The following SLC1A2 variants were observed in gnomAD, a reference collection of about 807,000 sequenced individuals.
SLC1A2 encodes the protein excitatory amino acid transporter 2.
A neutral mutation model predicts 48.8 loss-of-function variants in SLC1A2; 15 were observed. The observed-to-expected ratio is 0.31, with a 90% CI of 0.21 to 0.47. The LOEUF (loss-of-function observed/expected upper bound fraction) is 0.47, where lower values mean the gene tolerates loss of function less well. Among genes scored for constraint, SLC1A2 ranks in the 20% least tolerant of loss-of-function variants. The pLI is 0.99. For synonymous variants in SLC1A2, 279 were observed against 272.6 expected (o/e 1.02, Z -0.23); for missense variants, 502 against 730.5 (o/e 0.69, Z 3.61).
chr11:35,304,799 TA>T (rs1221930618), intron 5 of SLC1A2, among the ~76,000 whole-genome samples: 2 of 152,086 alleles, frequency 1.3e-5, no homozygotes, highest in Non-Finnish European at 2.9e-5. Context: ...GAATTTCAGG[TA>T]AAAAATGAAT....
chr11:35,368,705 C>T (rs577754500), intron 1 of SLC1A2, among the ~76,000 whole-genome samples: 4 of 152,310 alleles, frequency 2.6e-5, no homozygotes, highest in African/African-American at 9.6e-5. Flanking sequence ...GCTTGCTTAG[C>T]TGCCTTACAC....
rs1950299300 is a variant in SLC1A2, at chr11:35,255,313, C to T, written c.*5581G>A. ...TTGTAGACCATGCATTGTATCCCATCCACCCTACAAACTAATCAGGCCTTG... is the reference window on the plus strand; with the variant it reads ...TTGTAGACCATGCATTGTATCCCATTCACCCTACAAACTAATCAGGCCTTG... On this transcript the variant is annotated 3_prime_UTR_variant, in exon 11 of 11. Transcript: ENST00000278379. 6.5e-6 allele frequency: 1 copy of T among 153,616 alleles called. No homozygotes were observed. The highest frequency in any genetic ancestry group is 6.4e-5 in the Admixed American group (1 of 15,554). 9.5% of individuals were successfully genotyped at this position (153,616 alleles called of 1,614,324 possible). A position where few individuals can be genotyped will look rare whatever the true frequency, so the allele number is the denominator to read the frequency against.
In SLC1A2 at chr11:35,254,798, A is replaced by T. The variant is rs771125319; in HGVS notation, c.*6096T>A. 6.6e-6 allele frequency: 3 copies of T among 456,080 alleles called. No homozygotes were observed. The highest frequency in any genetic ancestry group is 3.2e-4 in the Middle Eastern group (1 of 3,096). 28.3% of individuals were successfully genotyped at this position (456,080 alleles called of 1,614,324 possible). ...TCCAATAGCTGGTTTTATTCTCAGC[A>T]CAAAAGGGCCCTGTGTAAAAACCAG... On this transcript the variant is annotated 3_prime_UTR_variant, in exon 11 of 11. Coordinates refer to ENST00000278379, the MANE Select transcript of SLC1A2 (RefSeq NM_004171.4).
chr11:35,370,882 AG>A, intron 1 of SLC1A2: 7 of 886,478 alleles, frequency 7.9e-6, no homozygotes, highest in Non-Finnish European at 9.5e-6. Context: ...TGAGTGGCCC[AG>A]GAAAAGAAAA....
At chr11:35,278,273 GTTTT>G (rs35889672) in intron 9 of SLC1A2, among the ~76,000 whole-genome samples, 1 of 88,662 alleles carries the variant, frequency 1.1e-5, no homozygotes, top group Non-Finnish European at 2.3e-5. Context: ...GTTTTTTTTT[GTTTT>G]TTTTTTTTTT....
intron 1 of SLC1A2, among the ~76,000 whole-genome samples, chr11:35,417,569 G>T (rs1031259016): frequency 6.6e-6 from 1 of 152,186 alleles, no homozygotes; most frequent in African/African-American, 2.4e-5. Flanking sequence ...TCTATTTCTA[G>T]AGATCTGTTT....
chr11:35,277,334 G>T (rs963454564), intron 9 of SLC1A2, among the ~76,000 whole-genome samples: 4 of 152,144 alleles, frequency 2.6e-5, no homozygotes, highest in Non-Finnish European at 1.5e-5. Context: ...TCCTGACCTG[G>T]CCATACAAGC....
At chr11:35,265,485 C>A in intron 10 of SLC1A2, 42 bp downstream of exon 10, 1 of 970,164 alleles carries the variant, frequency 1.0e-6, no homozygotes, top group South Asian at 1.4e-5. Flanking sequence ...CAAGCATGCA[C>A]TACTATATAC....
At chr11:35,366,123 A>G (rs1853840943) in intron 1 of SLC1A2, among the ~76,000 whole-genome samples, 1 of 152,208 alleles carries the variant, frequency 6.6e-6, no homozygotes, top group African/African-American at 2.4e-5. Flanking sequence ...AGAGTTTATT[A>G]TACTTATGAA....
rs1273534842 is a variant in SLC1A2 at position 35,397,216 on chromosome 11, G to A, written c.17+21734C>T. 2.1e-3 allele frequency among the ~76,000 whole-genome samples: 312 copies of A among 147,618 alleles called. 1 individual carries two copies. Among genetic ancestry groups the A allele is most frequent in the African/African-American group, 7.1e-3 (276 of 39,062 alleles). On this transcript the variant is annotated intron_variant, in intron 1 of 10. Coordinates refer to ENST00000278379, the MANE Select transcript of SLC1A2 (RefSeq NM_004171.4). ...ATGGAACCAAAAAACAGCCCACATC[G>A]CCAAGTCAATCCTAAGCCAAAAGAA...
intron 9 of SLC1A2, among the ~76,000 whole-genome samples, chr11:35,270,803 A>G (rs931502061): frequency 4.6e-5 from 7 of 152,254 alleles, no homozygotes; most frequent in Admixed American, 3.3e-4. Flanking sequence ...AAGAGGTAGG[A>G]ACACTTAGAT....
intron 1 of SLC1A2, among the ~76,000 whole-genome samples, chr11:35,387,488 C>T (rs988313563): frequency 1.3e-5 from 2 of 152,126 alleles, no homozygotes; most frequent in African/African-American, 2.4e-5. Flanking sequence ...TGGAGAGTAA[C>T]GGGTGTGTTT....
intron 5 of SLC1A2, 103 bp from the exon 6 acceptor site, chr11:35,301,748 C>T: frequency 9.8e-7 from 1 of 1,020,406 alleles, no homozygotes; most frequent in Non-Finnish European, 1.5e-6. Context: ...GTTCTCACTG[C>T]TGGTTACCCT....
intron 6 of SLC1A2, chr11:35,297,691 A>T (rs1304293731): frequency 1.3e-5 from 2 of 152,218 alleles, no homozygotes; most frequent in African/African-American, 2.4e-5. Context: ...GAGGATACGA[A>T]AATCATACAA....
intron 7 of SLC1A2, among the ~76,000 whole-genome samples, chr11:35,288,425 T>C (rs577910568): frequency 3.9e-5 from 6 of 152,292 alleles, no homozygotes; most frequent in Admixed American, 2.6e-4. Context: ...GCATCAGACC[T>C]AGCTTGCTAT....
At chr11:35,354,411 C>T (rs4756219) in intron 1 of SLC1A2, among the ~76,000 whole-genome samples, 29,397 of 151,960 alleles carry the variant, frequency 0.19, 3,164 homozygotes, top group Middle Eastern at 0.28. Flanking sequence ...CAGTGGGCTA[C>T]GATTACACTA....
chr11:35,314,153 A>G (rs936226206), intron 3 of SLC1A2, among the ~76,000 whole-genome samples: 22 of 152,356 alleles, frequency 1.4e-4, no homozygotes, highest in Middle Eastern at 3.4e-3. Flanking sequence ...GTCAAAGATA[A>G]TTGATGCTGG....
intron 1 of SLC1A2, among the ~76,000 whole-genome samples, chr11:35,324,849 T>C (rs1852188730): frequency 6.6e-6 from 1 of 152,042 alleles, no homozygotes. Flanking sequence ...CCAGATAGAC[T>C]CATCACCCCA....
At chr11:35,286,207 G>A (rs1850814486) in intron 8 of SLC1A2, 1 of 152,164 alleles carries the variant, frequency 6.6e-6, no homozygotes, top group Non-Finnish European at 1.5e-5. Context: ...ACAAAACTAT[G>A]TGCTATTTAT....
Sources: gnomAD v4.1 joint callset for allele counts (sites outside exome capture counted in the v4.1 genomes callset) on GRCh38, gnomAD v4.1.1 for gene constraint, MANE v1.5 for transcripts, NCBI Gene and HGNC (gene_info 2026-07-23, HGNC 2026-07-21) for gene names.